The following PID1 variants were observed in gnomAD, a reference collection of about 807,000 sequenced individuals.
PID1 encodes PTB-containing, cubilin and LRP1-interacting protein.
PID1 carries 10 observed loss-of-function variants against 19.1 expected under a neutral mutation model. The ratio of observed to expected loss-of-function variants is 0.52; its 90% CI spans 0.32 to 0.89. The LOEUF is 0.89. PID1 is among the 40% of genes least tolerant of loss of function. The probability of loss-of-function intolerance (pLI) is 0.03; values close to 1 mark genes in which losing one functional copy is unlikely to be tolerated. For synonymous variants in PID1, 130 were observed against 116.0 expected (o/e 1.12, Z -0.78); for missense variants, 248 against 285.3 (o/e 0.87, Z 0.94).
intron 2 of PID1, among the ~76,000 whole-genome samples, chr2:229,090,156 C>T (rs1694843087): frequency 6.6e-6 from 1 of 152,148 alleles, no homozygotes; most frequent in Admixed American, 6.5e-5. Flanking sequence ...TGCTCATCCA[C>T]CCACCAATCA....
intron 1 of PID1, among the ~76,000 whole-genome samples, chr2:229,241,426 T>G (rs1367600982): frequency 6.6e-6 from 1 of 152,154 alleles, no homozygotes; most frequent in Non-Finnish European, 1.5e-5. Flanking sequence ...GTTTCCATTT[T>G]GCCCTCAGTC....
At chr2:229,049,472 G>T (rs983099562) in intron 2 of PID1, among the ~76,000 whole-genome samples, 1 of 152,082 alleles carries the variant, frequency 6.6e-6, no homozygotes, top group Non-Finnish European at 1.5e-5. Flanking sequence ...GACAATCCTG[G>T]TGGGTAGCTG....
At chr2:229,094,390 T>C (rs953611733) in intron 2 of PID1, among the ~76,000 whole-genome samples, 1 of 152,092 alleles carries the variant, frequency 6.6e-6, no homozygotes. Context: ...ACATATTCAA[T>C]GCAATTCCTA....
intron 1 of PID1, among the ~76,000 whole-genome samples, chr2:229,265,110 T>A (rs1187017909): frequency 6.6e-6 from 1 of 152,228 alleles, no homozygotes; most frequent in Non-Finnish European, 1.5e-5. Context: ...TCAAAATTAT[T>A]TATAAAGAGA....
At chr2:229,269,152 G>A (rs1297581316) in intron 1 of PID1, among the ~76,000 whole-genome samples, 1 of 150,788 alleles carries the variant, frequency 6.6e-6, no homozygotes, top group African/African-American at 2.4e-5. Flanking sequence ...TTCCAACAGT[G>A]ACTCGGTCTT....
intron 1 of PID1, among the ~76,000 whole-genome samples, chr2:229,209,504 C>A (rs777184278): frequency 3.3e-4 from 50 of 152,194 alleles, no homozygotes; most frequent in Non-Finnish European, 6.3e-4. Context: ...AATGAGGCCA[C>A]AGGGGCAGTG....
chr2:229,151,799 T>C (rs1006791225), intron 2 of PID1, among the ~76,000 whole-genome samples: 5 of 152,166 alleles, frequency 3.3e-5, no homozygotes, highest in Non-Finnish European at 2.9e-5. Flanking sequence ...CTAGATCTCC[T>C]GACCTCGTGA....
chr2:229,151,629 G>A (rs970435024), intron 2 of PID1, among the ~76,000 whole-genome samples: 1 of 150,492 alleles, frequency 6.6e-6, no homozygotes. Context: ...GGAGTGCAGT[G>A]GCACGATCTC....
intron 2 of PID1, among the ~76,000 whole-genome samples, chr2:229,069,151 G>GTGTGTA (rs1694397961): frequency 6.6e-6 from 1 of 150,670 alleles, no homozygotes; most frequent in South Asian, 2.1e-4. Flanking sequence ...TTTTGTGTGT[G>GTGTGTA]TGTGTGTGTG....
intron 2 of PID1, among the ~76,000 whole-genome samples, chr2:229,060,680 G>A (rs967280507): frequency 6.6e-6 from 1 of 151,932 alleles, no homozygotes; most frequent in Admixed American, 6.6e-5. Context: ...ATTAGCTTTC[G>A]GAGGCACCTC....
At chr2:229,114,646 A>G (rs763493701) in intron 2 of PID1, among the ~76,000 whole-genome samples, 2 of 151,962 alleles carry the variant, frequency 1.3e-5, no homozygotes, top group Non-Finnish European at 2.9e-5. Flanking sequence ...ATTGACTGTG[A>G]CTCAGTTCAC....
intron 1 of PID1, among the ~76,000 whole-genome samples, chr2:229,261,323 C>T (rs992765867): frequency 6.6e-6 from 1 of 152,170 alleles, no homozygotes; most frequent in Non-Finnish European, 1.5e-5. Flanking sequence ...CATTAAGCTA[C>T]CAAGATTTTA....
At position 229,242,171 on chromosome 2, in the gene PID1, T is replaced by C. The variant is rs184604918; in HGVS notation, c.30+28843A>G. Among the ~76,000 whole-genome samples, 90 of 152,212 alleles carry C rather than the reference T, an allele frequency of 5.9e-4. 1 individual carries two copies. The highest frequency in any genetic ancestry group is 1.2e-3 in the Non-Finnish European group (79 of 67,974). ...ACAGGTGGGAGCCACCATGCCTGGC[T>C]AGTAAATAGCTATTTTTAAAGTCAG... On this transcript the variant is annotated intron_variant, in intron 1 of 2. Coordinates refer to ENST00000392055, the MANE Select transcript of PID1 (RefSeq NM_001100818.2).
chr2:229,129,862 T>A (rs1049054035), intron 2 of PID1, among the ~76,000 whole-genome samples: 3 of 152,184 alleles, frequency 2.0e-5, no homozygotes, highest in Non-Finnish European at 4.4e-5. Flanking sequence ...CTAGTCGTGT[T>A]CACATTCGTT....
intron 1 of PID1, among the ~76,000 whole-genome samples, chr2:229,164,921 AG>A (rs2106204332): frequency 6.6e-6 from 1 of 152,312 alleles, no homozygotes; most frequent in African/African-American, 2.4e-5. Context: ...TTAAATATTC[AG>A]CTGACTACTG....
intron 2 of PID1, among the ~76,000 whole-genome samples, chr2:229,096,824 G>A (rs1015501615): frequency 1.3e-5 from 2 of 152,228 alleles, no homozygotes; most frequent in South Asian, 4.1e-4. Flanking sequence ...TCCCTGCAAT[G>A]TGCCCTTGTA....
intron 1 of PID1, among the ~76,000 whole-genome samples, chr2:229,218,058 A>G (rs1242348264): frequency 3.3e-5 from 5 of 152,150 alleles, no homozygotes; most frequent in Admixed American, 1.3e-4. Flanking sequence ...ATCTTTATAC[A>G]TATCTATCTC....
chr2:229,065,712 CAAAAAAAAA>C lies in PID1; in HGVS notation c.178-39613_178-39605del, dbSNP rs71988256. On this transcript the variant is annotated intron_variant, in intron 2 of 2. Transcript: ENST00000392055. ...CTACAAATGGGTCTTTTGTGATTTACAAAAAAAAAAAAAAAAAAAACAGGTTGAAATTCA... is the reference window on the plus strand; with the variant it reads ...CTACAAATGGGTCTTTTGTGATTTACAAAAAAAAAAACAGGTTGAAATTCA... Among the ~76,000 whole-genome samples, 2 of 103,962 alleles carry C rather than the reference CAAAAAAAAA, an allele frequency of 1.9e-5. 1 individual carries two copies. The highest frequency in any genetic ancestry group is 3.5e-5 in the Non-Finnish European group (2 of 56,854). The allele number at this position is 103,962 out of a possible 152,430, so 68.2% of individuals were successfully genotyped here.
intron 1 of PID1, among the ~76,000 whole-genome samples, chr2:229,254,000 C>A (rs936192079): frequency 2.6e-5 from 4 of 152,158 alleles, no homozygotes; most frequent in African/African-American, 7.2e-5. Flanking sequence ...GGACGACAGA[C>A]CTTCTTCGGA....
Sources: gnomAD v4.1 joint callset for allele counts (sites outside exome capture counted in the v4.1 genomes callset) on GRCh38, gnomAD v4.1.1 for gene constraint, MANE v1.5 for transcripts, NCBI Gene and HGNC (gene_info 2026-07-23, HGNC 2026-07-21) for gene names.